Variants in DLX4 observed in about 807,000 individuals in gnomAD.
DLX4 encodes the protein distal-less homeobox 4.
In DLX4, 13 loss-of-function variants were observed where a neutral mutation model predicts 17.1. The observed-to-expected ratio is 0.76, with a 90% CI of 0.49 to 1.21. DLX4 has a LOEUF of 1.21. Ranked by LOEUF, DLX4 falls within the 50% of genes most tolerant of loss-of-function variation. The probability of loss-of-function intolerance (pLI) is 0.00; values close to 1 mark genes in which losing one functional copy is unlikely to be tolerated. For synonymous variants in DLX4, 129 were observed against 140.3 expected, an observed-to-expected ratio of 0.92 and a Z score of 0.57; for missense variants, 297 against 301.4, an observed-to-expected ratio of 0.99 and a Z score of 0.11.
Position 49,973,764 on chromosome 17 carries a change from G to T in DLX4, c.544G>T (p.Gly182Trp). Residue 182 changes from glycine to tryptophan, a missense_variant, in exon 3 of 3, where the codon GGG (glycine) becomes TGG (tryptophan). Gly to Trp is a radical substitution (Grantham distance 184). Transcript: ENST00000240306. ...GAAGCTCCTGAAGCAGAATTCTGGGGGGCAGGAAGGGGACTTCCCTGGGAG... is the reference window on the plus strand; with the variant it reads ...GAAGCTCCTGAAGCAGAATTCTGGGTGGCAGGAAGGGGACTTCCCTGGGAG... ...YKKLLKQNSG[G>W]QEGDFPGRTF... The T allele has an allele frequency of 2.6e-6, 4 of 1,554,088 alleles. No individual in the cohort carries two copies. The highest frequency in any genetic ancestry group is 3.5e-6 in the Non-Finnish European group (4 of 1,149,788).
intron 1 of DLX4, among the ~76,000 whole-genome samples, chr17:49,971,434 C>T (rs1905499722): frequency 6.6e-6 from 1 of 152,138 alleles, no homozygotes; most frequent in Non-Finnish European, 1.5e-5. Flanking sequence ...AGCGGTGCCA[C>T]CACCCCGTTG....
chr17:49,973,340 G>C lies in DLX4; in HGVS notation c.480+71G>C, dbSNP rs775577618. The C allele has an allele frequency of 2.6e-6, 4 of 1,563,328 alleles. No individual in the cohort carries two copies. In the African/African-American group the frequency reaches 4.1e-5, roughly 16 times the overall value. ...TCTGGGAACTCATCCCCCAGCCCCAGCTGTGAATGACTGATGGATTGGTGC... is the reference window on the plus strand; with the variant it reads ...TCTGGGAACTCATCCCCCAGCCCCACCTGTGAATGACTGATGGATTGGTGC... On this transcript the variant is annotated intron_variant, in intron 2 of 2. Coordinates refer to ENST00000240306, the MANE Select transcript of DLX4 (RefSeq NM_138281.3).
Position 49,973,111 on chromosome 17 carries a change from C to A in DLX4, c.322C>A (p.Arg108=). 6.2e-7 allele frequency: 1 copy of A among 1,614,060 alleles called. No individual in the cohort carries two copies. The highest frequency in any genetic ancestry group is 8.5e-7 in the Non-Finnish European group (1 of 1,179,966). ...GCGGCTGTCCCCGGAACCCTCCGAG[C>A]GGCGCCCTCAGGCCCCCGCCAAAAA... The part of the protein sequence containing the change: ...KPRLSPEPSE[R]RPQAPAKKLR... The change falls in exon 2 of 3, where the codon CGG becomes AGG. Residue 108 remains arginine, a synonymous_variant. Coordinates refer to ENST00000240306, the MANE Select transcript of DLX4 (RefSeq NM_138281.3).
chr17:49,973,558 G>T, intron 2 of DLX4, 143 bp from the exon 3 acceptor site: 4 of 1,152,382 alleles, frequency 3.5e-6, no homozygotes, highest in Non-Finnish European at 4.9e-6. Context: ...TGGGGCTGTG[G>T]GGGACTGAAG....
chr17:49,970,444 C>CCGGCCAT (rs1905466814), intron 1 of DLX4, among the ~76,000 whole-genome samples: 1 of 152,192 alleles, frequency 6.6e-6, no homozygotes, highest in Non-Finnish European at 1.5e-5. Flanking sequence ...GCCAAAGGAG[C>CCGGCCAT]CGGCCATCGC....
intron 1 of DLX4, among the ~76,000 whole-genome samples, 167 bp downstream of exon 1, chr17:49,969,918 G>C (rs1040992719): frequency 2.6e-5 from 4 of 151,184 alleles, no homozygotes; most frequent in Admixed American, 6.6e-5. Context: ...GGAGACACGG[G>C]GGGAGGGGCG....
Position 49,973,209 on chromosome 17 carries a change from G to T in DLX4, c.420G>T (p.Gln140His). The T allele has an allele frequency of 6.2e-7, 1 of 1,614,202 alleles. No individual in the cohort carries two copies. Among genetic ancestry groups the T allele is most frequent in the Non-Finnish European group, 8.5e-7 (1 of 1,180,046 alleles). ...QHLNQRFQHT[Q>H]YLALPERAQL... ...TAAACCAGCGTTTCCAGCACACGCA[G>T]TACCTGGCGCTGCCCGAGAGGGCCC... is the stretch of plus-strand genomic sequence containing the variant. The change falls in exon 2 of 3, where the codon CAG becomes CAT. Residue 140 changes from glutamine to histidine, a missense_variant. Gln to His is a conservative substitution (Grantham distance 24). Coordinates refer to ENST00000240306, the MANE Select transcript of DLX4 (RefSeq NM_138281.3).
chr17:49,968,589 C>G (rs528357813), upstream of DLX4, among the ~76,000 whole-genome samples: 6 of 152,214 alleles, frequency 3.9e-5, no homozygotes, highest in South Asian at 1.2e-3. Flanking sequence ...GAAGCCAGCA[C>G]GCAGGGCGGT....
chr17:49,974,513 C>T lies in DLX4; in HGVS notation c.*570C>T, dbSNP rs1298670832. Reference sequence around the variant, plus strand: ...CCCCATAACTGATTTACCTACTTACCATACTGGGAGGTAGAAGAGATGCAG... The same window carrying T: ...CCCCATAACTGATTTACCTACTTACTATACTGGGAGGTAGAAGAGATGCAG... On this transcript the variant is annotated 3_prime_UTR_variant, in exon 3 of 3. Transcript: ENST00000240306. 6.6e-6 allele frequency: 1 copy of T among 150,480 alleles called. No homozygotes were observed. The highest frequency in any genetic ancestry group is 2.5e-5 in the African/African-American group (1 of 40,802). The allele number at this position is 150,480 out of a possible 1,614,324, so 9.3% of individuals were successfully genotyped here. A position where few individuals can be genotyped will look rare whatever the true frequency, so the allele number is the denominator to read the frequency against.
chr17:49,974,829 G>A lies in DLX4; in HGVS notation c.*886G>A, dbSNP rs1472553838. 1.3e-5 allele frequency: 2 copies of A among 152,162 alleles called. No homozygotes were observed. The highest frequency in any genetic ancestry group is 4.8e-5 in the African/African-American group (2 of 41,426). 9.4% of individuals were successfully genotyped at this position (152,162 alleles called of 1,614,324 possible). On this transcript the variant is annotated 3_prime_UTR_variant, in exon 3 of 3. Transcript: ENST00000240306. ...TGCGGGTATAGACACCCCCAAATAGGTGGGTAGGCCCATTGATTCAGCTCC... is the reference window on the plus strand; with the variant it reads ...TGCGGGTATAGACACCCCCAAATAGATGGGTAGGCCCATTGATTCAGCTCC...
At chr17:49,970,007 C>T (rs1905447963) in intron 1 of DLX4, among the ~76,000 whole-genome samples, 1 of 152,100 alleles carries the variant, frequency 6.6e-6, no homozygotes, top group African/African-American at 2.4e-5. Context: ...CGAGAGGGCC[C>T]CCCCAACCCC....
intron 2 of DLX4, 151 bp from the exon 3 acceptor site, chr17:49,973,550 G>A: frequency 9.1e-7 from 1 of 1,101,048 alleles, no homozygotes; most frequent in Non-Finnish European, 1.3e-6. Flanking sequence ...AAGGCTCCTG[G>A]GGCTGTGGGG....
rs1905525599 is a variant in DLX4 at position 49,972,063 on chromosome 17, C to G, written c.284-1010C>G. The G allele has an allele frequency of 6.6e-6, 1 of 152,212 alleles. No homozygotes were observed. The highest frequency in any genetic ancestry group is 1.5e-5 in the Non-Finnish European group (1 of 68,104). 9.4% of individuals were successfully genotyped at this position (152,212 alleles called of 1,614,324 possible). Reference sequence around the variant, plus strand: ...CGGGCATTGCGGCTGCTCCATCCGCCCTACTCCTCCCATTGCCTGGGACCT... The same window carrying G: ...CGGGCATTGCGGCTGCTCCATCCGCGCTACTCCTCCCATTGCCTGGGACCT... On this transcript the variant is annotated intron_variant, in intron 1 of 2. Transcript: ENST00000240306. This position sits in a 1 kb window ranked among gnomAD's most constrained non-coding sequence, Gnocchi z 5.4.
chr17:49,972,754 T>A lies in DLX4; in HGVS notation c.284-319T>A, dbSNP rs981398555. On this transcript the variant is annotated intron_variant, in intron 1 of 2. Transcript: ENST00000240306. This position sits in a 1 kb window ranked among gnomAD's most constrained non-coding sequence, Gnocchi z 5.4. The stretch of plus-strand genomic sequence containing the variant: ...CTGGCGCCACCGCCCGTGGCTGAAC[T>A]CCGACCTCCCACCGCAGGCGCCGCG... The A allele has an allele frequency of 5.0e-6, 7 of 1,387,122 alleles. No homozygotes were observed. The highest frequency in any genetic ancestry group is 6.5e-6 in the Non-Finnish European group (7 of 1,076,802). 85.9% of individuals were successfully genotyped at this position (1,387,122 alleles called of 1,614,324 possible).
rs940042366 is a variant in DLX4, at chr17:49,972,974, C to T, written c.284-99C>T. ...GGCTGCGCTTTTTGCTATTTGCTGC[C>T]GACGGCATGCAGACGAGATGCAAAT... On this transcript the variant is annotated intron_variant, in intron 1 of 2. Coordinates refer to ENST00000240306, the MANE Select transcript of DLX4 (RefSeq NM_138281.3). This position sits in a 1 kb window ranked among gnomAD's most constrained non-coding sequence, Gnocchi z 5.4. 6.5e-7 allele frequency: 1 copy of T among 1,541,198 alleles called. No individual in the cohort carries two copies.
Position 49,974,458 on chromosome 17 carries a change from G to A in DLX4, c.*515G>A, listed in dbSNP as rs1432072169. ...ACCACCATCAGCTCCCACCCACCCAGCGATTTTTCCTTGGAGGTCAGCCCG... is the reference window on the plus strand; with the variant it reads ...ACCACCATCAGCTCCCACCCACCCAACGATTTTTCCTTGGAGGTCAGCCCG... On this transcript the variant is annotated 3_prime_UTR_variant, in exon 3 of 3. Coordinates refer to ENST00000240306, the MANE Select transcript of DLX4 (RefSeq NM_138281.3). 6.6e-6 allele frequency: 1 copy of A among 151,764 alleles called. No homozygotes were observed. Among genetic ancestry groups the A allele is most frequent in the East Asian group, 1.9e-4 (1 of 5,170 alleles). 9.4% of individuals were successfully genotyped at this position (151,764 alleles called of 1,614,324 possible). A position where few individuals can be genotyped will look rare whatever the true frequency, so the allele number is the denominator to read the frequency against.
Position 49,972,940 on chromosome 17 carries a change from G to C in DLX4, c.284-133G>C, listed in dbSNP as rs547353326. On this transcript the variant is annotated intron_variant, in intron 1 of 2. Transcript: ENST00000240306. This position sits in a 1 kb window ranked among gnomAD's most constrained non-coding sequence, Gnocchi z 5.4. Reference sequence around the variant, plus strand: ...GGTAGAGGGCAGGGGCCAAGGGGGCGATCCTGGTGGCTGCGCTTTTTGCTA... The same window carrying C: ...GGTAGAGGGCAGGGGCCAAGGGGGCCATCCTGGTGGCTGCGCTTTTTGCTA... 32 of 1,496,420 alleles carry C rather than the reference G, an allele frequency of 2.1e-5. No individual in the cohort carries two copies. The highest frequency in any genetic ancestry group is 2.7e-5 in the Non-Finnish European group (30 of 1,121,206). 92.7% of individuals were successfully genotyped at this position (1,496,420 alleles called of 1,614,324 possible). A position where few individuals can be genotyped will look rare whatever the true frequency, so the allele number is the denominator to read the frequency against.
At position 49,969,583 on chromosome 17, in the gene DLX4, A is replaced by G. The variant is rs928282812; in HGVS notation, c.115A>G (p.Thr39Ala). ...AAYPLGLSPT[T>A]AASPNLSYSR... ...CTACCCGCTTGGCTTGTCCCCTACA[A>G]CCGCAGCCTCCCCCAATTTGTCCTA... The change falls in exon 1 of 3, where the codon ACC (threonine) becomes GCC (alanine). Residue 39 changes from threonine to alanine, a missense_variant. Physicochemically the swap from Thr to Ala is moderately conservative, Grantham distance 58. Coordinates refer to ENST00000240306, the MANE Select transcript of DLX4 (RefSeq NM_138281.3). 2.4e-5 allele frequency: 38 copies of G among 1,613,274 alleles called. No individual in the cohort carries two copies. The highest frequency in any genetic ancestry group is 2.9e-5 in the Non-Finnish European group (34 of 1,179,898).
In DLX4 at chr17:49,972,967, T is replaced by A; in HGVS notation, c.284-106T>A. ...TCCTGGTGGCTGCGCTTTTTGCTAT[T>A]TGCTGCCGACGGCATGCAGACGAGA... On this transcript the variant is annotated intron_variant, in intron 1 of 2. Coordinates refer to ENST00000240306, the MANE Select transcript of DLX4 (RefSeq NM_138281.3). This position sits in a 1 kb window ranked among gnomAD's most constrained non-coding sequence, Gnocchi z 5.4. 2.6e-6 allele frequency: 4 copies of A among 1,535,672 alleles called. No homozygotes were observed. Among genetic ancestry groups the A allele is most frequent in the Non-Finnish European group, 3.5e-6 (4 of 1,137,830 alleles).
Sources: gnomAD v4.1 joint callset for allele counts (sites outside exome capture counted in the v4.1 genomes callset) on GRCh38, gnomAD v4.1.1 for gene constraint, Gnocchi (gnomAD v3.1) non-coding constraint, MANE v1.5 for transcripts, NCBI Gene and HGNC (gene_info 2026-07-23, HGNC 2026-07-21) for gene names.